SMYD2: variants seen among roughly 807,000 people sequenced by gnomAD.
The protein encoded by SMYD2 is N-lysine methyltransferase SMYD2.
A neutral mutation model predicts 59.1 loss-of-function variants in SMYD2; 53 were observed. The ratio of observed to expected loss-of-function variants is 0.90; its 90% CI spans 0.72 to 1.13. SMYD2 has a LOEUF of 1.13. Ranked by LOEUF, SMYD2 falls within the 50% of genes most tolerant of loss-of-function variation. The pLI is 0.00. For missense variants in SMYD2, 494 were observed against 544.7 expected (o/e 0.91, Z 0.93); for synonymous variants, 208 against 198.8 (o/e 1.05, Z -0.39).
intron 1 of SMYD2, among the ~76,000 whole-genome samples, chr1:214,290,243 C>G (rs1656614748): frequency 6.6e-6 from 1 of 152,324 alleles, no homozygotes; most frequent in African/African-American, 2.4e-5. Flanking sequence ...CAGGAAACAA[C>G]TTATCTTTCT....
At chr1:214,290,112 A>G (rs1027821408) in intron 1 of SMYD2, among the ~76,000 whole-genome samples, 6 of 152,292 alleles carry the variant, frequency 3.9e-5, no homozygotes, top group Admixed American at 1.3e-4. Context: ...TTCCTATTCA[A>G]TTGCAAAGGC....
At chr1:214,308,608 A>C (rs937274571) in intron 2 of SMYD2, among the ~76,000 whole-genome samples, 2 of 152,202 alleles carry the variant, frequency 1.3e-5, no homozygotes, top group African/African-American at 4.8e-5. Flanking sequence ...CACCTAAGAA[A>C]GCATGGCCTT....
chr1:214,330,718 C>T (rs1657338874), intron 8 of SMYD2, among the ~76,000 whole-genome samples: 1 of 152,258 alleles, frequency 6.6e-6, no homozygotes, highest in Admixed American at 6.5e-5. Context: ...ATAGCCAACA[C>T]ATTTTAGATA....
intron 1 of SMYD2, among the ~76,000 whole-genome samples, chr1:214,300,302 G>A (rs991757022): frequency 1.3e-5 from 2 of 152,138 alleles, no homozygotes; most frequent in African/African-American, 4.8e-5. Flanking sequence ...ACTCTCCCAG[G>A]ATCTGTTGGA....
At chr1:214,310,657 A>G (rs189341078) in intron 2 of SMYD2, among the ~76,000 whole-genome samples, 30 of 152,300 alleles carry the variant, frequency 2.0e-4, no homozygotes, top group African/African-American at 5.5e-4. Flanking sequence ...AAGAGTTGCA[A>G]AATCACTCTG....
At chr1:214,325,809 T>C (rs1205182384) in intron 6 of SMYD2, among the ~76,000 whole-genome samples, 1 of 136,844 alleles carries the variant, frequency 7.3e-6, no homozygotes, top group Non-Finnish European at 1.6e-5. Context: ...CTTTGGCCCC[T>C]GGGAAAAGGC....
intron 9 of SMYD2, chr1:214,331,809 C>T: frequency 1.8e-6 from 1 of 542,558 alleles, no homozygotes. Flanking sequence ...GGCTAAAATT[C>T]TTGAGTTGAG....
At chr1:214,294,001 A>G (rs1558049098) in intron 1 of SMYD2, among the ~76,000 whole-genome samples, 1 of 152,024 alleles carries the variant, frequency 6.6e-6, no homozygotes, top group Non-Finnish European at 1.5e-5. Context: ...TTTAACAAAA[A>G]TATTATTTCC....
intron 2 of SMYD2, among the ~76,000 whole-genome samples, chr1:214,305,824 A>G (rs1231765067): frequency 6.6e-6 from 1 of 152,160 alleles, no homozygotes; most frequent in African/African-American, 2.4e-5. Context: ...AGGGATGGGA[A>G]GGTTAATAAG....
intron 1 of SMYD2, among the ~76,000 whole-genome samples, chr1:214,295,610 C>T (rs979845088): frequency 2.0e-5 from 3 of 152,152 alleles, no homozygotes; most frequent in Non-Finnish European, 2.9e-5. Context: ...CAAGAGGATG[C>T]GGGCTCTAAC....
At chr1:214,329,759 G>A (rs1657320551) in intron 7 of SMYD2, among the ~76,000 whole-genome samples, 1 of 152,230 alleles carries the variant, frequency 6.6e-6, no homozygotes, top group African/African-American at 2.4e-5. Flanking sequence ...GCCCTCCCCT[G>A]CACGCAGCAT....
At chr1:214,288,863 G>C (rs1656591663) in intron 1 of SMYD2, among the ~76,000 whole-genome samples, 1 of 151,290 alleles carries the variant, frequency 6.6e-6, no homozygotes, top group African/African-American at 2.4e-5. Context: ...ACCAGAGTTA[G>C]TCATCTCAGC....
At chr1:214,304,861 A>T (rs1656892334) in intron 1 of SMYD2, among the ~76,000 whole-genome samples, 1 of 152,216 alleles carries the variant, frequency 6.6e-6, no homozygotes, top group Non-Finnish European at 1.5e-5. Flanking sequence ...CCTGTACAGT[A>T]GTTCTGTGCA....
In SMYD2 at chr1:214,293,007, CTGTTTGTGTGTGTGTG is replaced by C. The variant is rs1381758265; in HGVS notation, c.173+11584_173+11599del. Among the ~76,000 whole-genome samples the C allele has an allele frequency of 5.8e-5, 8 of 137,022 alleles. No homozygotes were observed. In the South Asian group the frequency reaches 1.0e-3, roughly 17 times the overall value. 89.9% of individuals were successfully genotyped at this position (137,022 alleles called of 152,430 possible). A position where few individuals can be genotyped will look rare whatever the true frequency, so the allele number is the denominator to read the frequency against. On this transcript the variant is annotated intron_variant, in intron 1 of 11. Transcript: ENST00000366957. ...TCTCTTTCCAAAGCTTTATCTTTTT[CTGTTTGTGTGTGTGTG>C]TGTGTGTGTGTGTGTGTGTGTGTGT...
In SMYD2 at chr1:214,281,287, C is replaced by T; in HGVS notation, c.33C>T (p.Arg11=). Residue 11 remains arginine, a synonymous_variant, in exon 1 of 12, where the codon CGC becomes CGT. Coordinates refer to ENST00000366957, the MANE Select transcript of SMYD2 (RefSeq NM_020197.3). Reference sequence around the variant, plus strand: ...CCGAGGGCCTCGGCGGCCTGGAGCGCTTCTGCAGCCCGGGCAAAGGCCGGG... The same window carrying T: ...CCGAGGGCCTCGGCGGCCTGGAGCGTTTCTGCAGCCCGGGCAAAGGCCGGG... MRAEGLGGLE[R]FCSPGKGRGL... 1 of 1,338,500 alleles carries T rather than the reference C, an allele frequency of 7.5e-7. No individual in the cohort carries two copies. Among genetic ancestry groups the T allele is most frequent in the Non-Finnish European group, 9.6e-7 (1 of 1,036,724 alleles). 82.9% of individuals were successfully genotyped at this position (1,338,500 alleles called of 1,614,324 possible). A position where few individuals can be genotyped will look rare whatever the true frequency, so the allele number is the denominator to read the frequency against.
chr1:214,284,771 C>G (rs930483133), intron 1 of SMYD2, among the ~76,000 whole-genome samples: 1 of 152,192 alleles, frequency 6.6e-6, no homozygotes, highest in Non-Finnish European at 1.5e-5. Context: ...CCACCTCAGC[C>G]TCTCAAAGTG....
chr1:214,289,317 CCCT>C (rs1335185465), intron 1 of SMYD2, among the ~76,000 whole-genome samples: 1 of 152,134 alleles, frequency 6.6e-6, no homozygotes, highest in Non-Finnish European at 1.5e-5. Context: ...GGTTAATATT[CCCT>C]CCTCTTTTCC....
At chr1:214,336,613 A>C in intron 11 of SMYD2, 91 bp from the exon 12 acceptor site, 1 of 1,148,658 alleles carries the variant, frequency 8.7e-7, no homozygotes, top group Non-Finnish European at 1.3e-6. Context: ...CCTGTGCCTT[A>C]AAGCAGAGAG....
intron 9 of SMYD2, 153 bp downstream of exon 9, chr1:214,331,223 CCCACAATGTGG>C: frequency 9.1e-7 from 1 of 1,094,616 alleles, no homozygotes; most frequent in Admixed American, 2.6e-5. Context: ...GTACTGACCA[CCCACAATGTGG>C]TGTCCATCCT....
Sources: allele counts gnomAD v4.1 joint callset (sites outside exome capture counted in the v4.1 genomes callset), GRCh38; gene constraint gnomAD v4.1.1; transcripts MANE v1.5; gene names NCBI Gene and HGNC (gene_info 2026-07-23, HGNC 2026-07-21).